EPOP: variants seen among roughly 807,000 people sequenced by gnomAD.
EPOP encodes elongin BC and Polycomb repressive complex 2-associated protein.
Under a neutral mutation model 18.2 loss-of-function variants are expected in EPOP, and 14 were observed. That is an observed-to-expected ratio of 0.77 (90% CI 0.51 to 1.20). EPOP has a LOEUF of 1.20. Ranked by LOEUF, EPOP falls within the 50% of genes most tolerant of loss-of-function variation. The probability of loss-of-function intolerance (pLI) is 0.00; values close to 1 mark genes in which losing one functional copy is unlikely to be tolerated. For missense variants in EPOP, 527 were observed against 577.2 expected (o/e 0.91, Z 0.89); for synonymous variants, 252 against 274.9 (o/e 0.92, Z 0.83).
rs768640657 is a variant in EPOP, at chr17:38,674,455, G to A, written c.41C>T (p.Ala14Val). ...GGAGCAGGGCGACCCTCGCGGGGAC[G>A]CCGGCACTGCCAGGCGGGGCGCAGG... is the stretch of plus-strand genomic sequence containing the variant. Reference protein sequence around the residue: ...LCPAPRLAVPASPRGSPCSPT... With the variant: ...LCPAPRLAVPVSPRGSPCSPT... Residue 14 changes from alanine to valine, a missense_variant, in exon 1 of 1, where the codon GCG becomes GTG. By Grantham distance (64) the Ala-to-Val change is moderately conservative (BLOSUM62 0). Coordinates refer to ENST00000621654, the MANE Select transcript of EPOP (RefSeq NM_001130677.2). This position sits in a 1 kb window ranked among gnomAD's most constrained non-coding sequence, Gnocchi z 4.5. 2 of 1,538,338 alleles carry A rather than the reference G, an allele frequency of 1.3e-6. No individual in the cohort carries two copies. The highest frequency in any genetic ancestry group is 1.4e-5 in the African/African-American group (1 of 72,606).
chr17:38,674,122 C>A lies in EPOP; in HGVS notation c.374G>T (p.Gly125Val). 6.9e-7 allele frequency: 1 copy of A among 1,450,800 alleles called. No homozygotes were observed. The highest frequency in any genetic ancestry group is 9.0e-7 in the Non-Finnish European group (1 of 1,111,128). The allele number at this position is 1,450,800 out of a possible 1,614,324, so 89.9% of individuals were successfully genotyped here. Residue 125 changes from glycine to valine, a missense_variant, in exon 1 of 1, where the codon GGT becomes GTT. Gly to Val is a moderately radical substitution (Grantham distance 109). Transcript: ENST00000621654. This position sits in a 1 kb window ranked among gnomAD's most constrained non-coding sequence, Gnocchi z 4.5. ...RRGEEEEGGG[G>V]FPHFGVRSCA... ...GGAGCGAACGCCGAAGTGCGGGAAA[C>A]CGCCTCCGCCCTCTTCCTCCTCTCC...
At position 38,673,485 on chromosome 17, in the gene EPOP, G is replaced by T; in HGVS notation, c.1011C>A (p.Ser337=). 1 of 1,536,474 alleles carries T rather than the reference G, an allele frequency of 6.5e-7. No homozygotes were observed. ...TAGAGTCTCCCTGGAGGCGAAGCGA[G>T]GATGCCGGCTTTAGGTCTCCGTCTT... is the stretch of plus-strand genomic sequence containing the variant. ...VGEDGDLKPA[S]SLRLQGDSKP... The change falls in exon 1 of 1, where the codon TCC becomes TCA. Residue 337 remains serine (S), a synonymous_variant. Coordinates refer to ENST00000621654, the MANE Select transcript of EPOP (RefSeq NM_001130677.2).
rs1284529364 is a variant in EPOP at position 38,673,494 on chromosome 17, C to G, written c.1002G>C (p.Lys334Asn). The change falls in exon 1 of 1, where the codon AAG becomes AAC. Residue 334 changes from lysine (K) to asparagine (N), a missense_variant. Transcript: ENST00000621654. ...ALVVGEDGDL[K>N]PASSLRLQGD... ...CCTGGAGGCGAAGCGAGGATGCCGG[C>G]TTTAGGTCTCCGTCTTCCCCCACCA... is the stretch of plus-strand genomic sequence containing the variant. 1.3e-6 allele frequency: 2 copies of G among 1,535,046 alleles called. No individual in the cohort carries two copies. Among genetic ancestry groups the G allele is most frequent in the South Asian group, 2.4e-5 (2 of 82,428 alleles).
chr17:38,673,545 G>A lies in EPOP; in HGVS notation c.951C>T (p.Asn317=). Residue 317 remains asparagine (N), a synonymous_variant, in exon 1 of 1, where the codon AAC becomes AAT. Transcript: ENST00000621654. ...LPTTSTFSLL[N]CFPCPPALVV... is the part of the protein sequence containing the mutation. ...CCAGGGCCGGGGGGCAGGGGAAGCA[G>A]TTGAGGAGGCTGAAGGTGCTCGTGG... 1 of 1,508,474 alleles carries A rather than the reference G, an allele frequency of 6.6e-7. No individual in the cohort carries two copies. Among genetic ancestry groups the A allele is most frequent in the Non-Finnish European group, 8.9e-7 (1 of 1,127,814 alleles). 93.4% of individuals were successfully genotyped at this position (1,508,474 alleles called of 1,614,324 possible).
In EPOP at chr17:38,673,992, A is replaced by G; in HGVS notation, c.504T>C (p.Arg168=). ...PRPAPGLEPQ[R]GPAASPPQEP... ...CCTGAGGCGGGCTGGCGGCTGGGCC[A>G]CGCTGAGGCTCGAGACCCGGGGCCG... The change falls in exon 1 of 1, where the codon CGT becomes CGC. Residue 168 remains arginine, a synonymous_variant. Coordinates refer to ENST00000621654, the MANE Select transcript of EPOP (RefSeq NM_001130677.2). 1 of 1,393,698 alleles carries G rather than the reference A, an allele frequency of 7.2e-7. No individual in the cohort carries two copies. Among genetic ancestry groups the G allele is most frequent in the South Asian group, 1.6e-5 (1 of 61,678 alleles). The allele number at this position is 1,393,698 out of a possible 1,614,324, so 86.3% of individuals were successfully genotyped here.
Position 38,674,793 on chromosome 17 carries a change from C to G in EPOP, c.-298G>C, listed in dbSNP as rs1423523402. 3.4e-6 allele frequency: 1 copy of G among 296,164 alleles called. No individual in the cohort carries two copies. Among genetic ancestry groups the G allele is most frequent in the African/African-American group, 2.2e-5 (1 of 46,002 alleles). 18.3% of individuals were successfully genotyped at this position (296,164 alleles called of 1,614,324 possible). A position where few individuals can be genotyped will look rare whatever the true frequency, so the allele number is the denominator to read the frequency against. ...CGGCGGGAGACCCTCTCGAGTCGCC[C>G]GAAGCGCAGAGGCAGGGGAAACAAA... On this transcript the variant is annotated 5_prime_UTR_variant, in exon 1 of 1. Transcript: ENST00000621654. The surrounding 1 kb of genome is among the most constrained non-coding windows in gnomAD (Gnocchi z 4.5).
In EPOP at chr17:38,673,302, A is replaced by G; in HGVS notation, c.*54T>C. The G allele has an allele frequency of 6.8e-7, 1 of 1,463,460 alleles. No homozygotes were observed. The highest frequency in any genetic ancestry group is 9.0e-7 in the Non-Finnish European group (1 of 1,106,268). The allele number at this position is 1,463,460 out of a possible 1,614,324, so 90.7% of individuals were successfully genotyped here. A position where few individuals can be genotyped will look rare whatever the true frequency, so the allele number is the denominator to read the frequency against. On this transcript the variant is annotated 3_prime_UTR_variant, in exon 1 of 1. Transcript: ENST00000621654. ...TGTGAGAAACGGGGCTCCCTCCTCAAGCCCGCGGTTTGGCCATGGTCCCAA... is the reference window on the plus strand; with the variant it reads ...TGTGAGAAACGGGGCTCCCTCCTCAGGCCCGCGGTTTGGCCATGGTCCCAA...
chr17:38,673,765 T>G lies in EPOP; in HGVS notation c.731A>C (p.His244Pro). Residue 244 changes from histidine to proline, a missense_variant, in exon 1 of 1, where the codon CAT (histidine) becomes CCT (proline). By Grantham distance (77) the His-to-Pro change is moderately conservative. Coordinates refer to ENST00000621654, the MANE Select transcript of EPOP (RefSeq NM_001130677.2). ...CGACCGGCGGATCAGACGATCGAAA[T>G]GTTCCTGGCGGAGATCTCCGGGTGC... ...PAAPGDLRQE[H>P]FDRLIRRSKL... The G allele has an allele frequency of 6.6e-7, 1 of 1,525,848 alleles. No individual in the cohort carries two copies. Among genetic ancestry groups the G allele is most frequent in the Non-Finnish European group, 8.8e-7 (1 of 1,137,140 alleles). The allele number at this position is 1,525,848 out of a possible 1,614,324, so 94.5% of individuals were successfully genotyped here.
In EPOP at chr17:38,674,442, C is replaced by A; in HGVS notation, c.54G>T (p.Gly18=). Reference sequence around the variant, plus strand: ...TCCGGGGCGTGGGGGAGCAGGGCGACCCTCGCGGGGACGCCGGCACTGCCA... The same window carrying A: ...TCCGGGGCGTGGGGGAGCAGGGCGAACCTCGCGGGGACGCCGGCACTGCCA... ...PRLAVPASPR[G]SPCSPTPRKP... Residue 18 remains glycine, a synonymous_variant, in exon 1 of 1, where the codon GGG becomes GGT. Transcript: ENST00000621654. The surrounding 1 kb of genome is among the most constrained non-coding windows in gnomAD (Gnocchi z 4.5). 1 of 1,539,912 alleles carries A rather than the reference C, an allele frequency of 6.5e-7. No individual in the cohort carries two copies. Among genetic ancestry groups the A allele is most frequent in the Non-Finnish European group, 8.7e-7 (1 of 1,145,420 alleles).
Position 38,673,869 on chromosome 17 carries a change from G to C in EPOP, c.627C>G (p.Ala209=). The C allele has an allele frequency of 1.4e-6, 2 of 1,446,450 alleles. No individual in the cohort carries two copies. Among genetic ancestry groups the C allele is most frequent in the African/African-American group, 3.0e-5 (2 of 67,060 alleles). The allele number at this position is 1,446,450 out of a possible 1,614,324, so 89.6% of individuals were successfully genotyped here. Residue 209 remains alanine, a synonymous_variant, in exon 1 of 1, where the codon GCC becomes GCG. Coordinates refer to ENST00000621654, the MANE Select transcript of EPOP (RefSeq NM_001130677.2). Reference sequence around the variant, plus strand: ...CCGGCGGGGGGTTTCCATCGACTTCGGCAGGCTGGCCGGGCAGGAACGGCC... The same window carrying C: ...CCGGCGGGGGGTTTCCATCGACTTCCGCAGGCTGGCCGGGCAGGAACGGCC... ...APRPFLPGQP[A]EVDGNPPPAA...
At position 38,674,595 on chromosome 17, in the gene EPOP, G is replaced by A. The variant is rs570756341; in HGVS notation, c.-100C>T. 4.8e-6 allele frequency: 6 copies of A among 1,255,668 alleles called. No homozygotes were observed. The highest frequency in any genetic ancestry group is 2.9e-5 in the East Asian group (1 of 33,952). The allele number at this position is 1,255,668 out of a possible 1,614,324, so 77.8% of individuals were successfully genotyped here. On this transcript the variant is annotated 5_prime_UTR_variant, in exon 1 of 1. The change creates a new upstream start codon in the 5' untranslated region. Coordinates refer to ENST00000621654, the MANE Select transcript of EPOP (RefSeq NM_001130677.2). The surrounding 1 kb of genome is among the most constrained non-coding windows in gnomAD (Gnocchi z 4.5). ...ACGGGTGAGGGGAACATCGCCCCCCGTCGACGGGGAGGTCTCTGCTCACGG... is the reference window on the plus strand; with the variant it reads ...ACGGGTGAGGGGAACATCGCCCCCCATCGACGGGGAGGTCTCTGCTCACGG...
chr17:38,674,693 C>T lies in EPOP; in HGVS notation c.-198G>A, dbSNP rs1911069564. On this transcript the variant is annotated 5_prime_UTR_variant, in exon 1 of 1. Transcript: ENST00000621654. This position sits in a 1 kb window ranked among gnomAD's most constrained non-coding sequence, Gnocchi z 4.5. Reference sequence around the variant, plus strand: ...CGCTCTCCTCACGCGGCCCTCCCGGCGGCCGGACTCCTGGGTCCCTGTGAG... The same window carrying T: ...CGCTCTCCTCACGCGGCCCTCCCGGTGGCCGGACTCCTGGGTCCCTGTGAG... The T allele has an allele frequency of 1.5e-5, 7 of 473,454 alleles. No individual in the cohort carries two copies. The highest frequency in any genetic ancestry group is 4.3e-5 in the Admixed American group (1 of 23,386). The allele number at this position is 473,454 out of a possible 1,614,324, so 29.3% of individuals were successfully genotyped here.
chr17:38,674,309 G>A lies in EPOP; in HGVS notation c.187C>T (p.Leu63=). The A allele has an allele frequency of 6.6e-7, 1 of 1,525,840 alleles. No individual in the cohort carries two copies. The highest frequency in any genetic ancestry group is 8.8e-7 in the Non-Finnish European group (1 of 1,141,608). The allele number at this position is 1,525,840 out of a possible 1,614,324, so 94.5% of individuals were successfully genotyped here. The change falls in exon 1 of 1, where the codon CTG becomes TTG. Residue 63 remains leucine, a synonymous_variant. Transcript: ENST00000621654. The surrounding 1 kb of genome is among the most constrained non-coding windows in gnomAD (Gnocchi z 4.5). ...ASSLGPGPGE[L]AARSPVLRGP... ...CGCAGCACTGGGGACCGCGCCGCCA[G>A]CTCCCCAGGCCCCGGGCCCAGAGAG...
rs1477763360 is a variant in EPOP at position 38,673,358 on chromosome 17, A to C, written c.1138T>G (p.Ter380GlyextTer19). 1 of 1,514,364 alleles carries C rather than the reference A, an allele frequency of 6.6e-7. No individual in the cohort carries two copies. The highest frequency in any genetic ancestry group is 2.7e-5 in the East Asian group (1 of 36,972). 93.8% of individuals were successfully genotyped at this position (1,514,364 alleles called of 1,614,324 possible). A position where few individuals can be genotyped will look rare whatever the true frequency, so the allele number is the denominator to read the frequency against. ...CCCCTTTGGCAGAAGTCCCACGGTC[A>C]GCTTTCATCCATGTTGATCCCCCAG... ...KFWGINMDES[*>G] The change falls in exon 1 of 1, where the codon TGA (stop) becomes GGA (glycine). Residue 380 changes from the stop codon to glycine, a stop_lost. Transcript: ENST00000621654.
At position 38,674,387 on chromosome 17, in the gene EPOP, G is replaced by A; in HGVS notation, c.109C>T (p.Pro37Ser). 6.5e-7 allele frequency: 1 copy of A among 1,544,012 alleles called. No homozygotes were observed. The highest frequency in any genetic ancestry group is 8.7e-7 in the Non-Finnish European group (1 of 1,146,260). The change falls in exon 1 of 1, where the codon CCG (proline) becomes TCG (serine). Residue 37 changes from proline to serine, a missense_variant. By Grantham distance (74) the Pro-to-Ser change is moderately conservative. Transcript: ENST00000621654. The surrounding 1 kb of genome is among the most constrained non-coding windows in gnomAD (Gnocchi z 4.5). The part of the protein sequence containing the change: ...KPCRGTQEFS[P>S]LCLRALAFCA... ...AAGGCGAGGGCACGCAGGCACAGCG[G>A]AGAGAATTCCTGGGTCCCCCGACAC...
chr17:38,673,975 G>A lies in EPOP; in HGVS notation c.521C>T (p.Pro174Leu), dbSNP rs1911034061. 1 of 1,399,160 alleles carries A rather than the reference G, an allele frequency of 7.1e-7. No homozygotes were observed. The highest frequency in any genetic ancestry group is 9.2e-7 in the Non-Finnish European group (1 of 1,087,220). The allele number at this position is 1,399,160 out of a possible 1,614,324, so 86.7% of individuals were successfully genotyped here. A position where few individuals can be genotyped will look rare whatever the true frequency, so the allele number is the denominator to read the frequency against. Residue 174 changes from proline to leucine, a missense_variant, in exon 1 of 1, where the codon CCG becomes CTG. Transcript: ENST00000621654. The part of the protein sequence containing the change: ...LEPQRGPAAS[P>L]PQEPSSRPPS... The stretch of plus-strand genomic sequence containing the variant: ...AGGCCGGGAACTGGGTTCCTGAGGC[G>A]GGCTGGCGGCTGGGCCACGCTGAGG...
In EPOP at chr17:38,674,198, G is replaced by A; in HGVS notation, c.298C>T (p.Pro100Ser). Residue 100 changes from proline to serine, a missense_variant, in exon 1 of 1, where the codon CCT becomes TCT. Coordinates refer to ENST00000621654, the MANE Select transcript of EPOP (RefSeq NM_001130677.2). The surrounding 1 kb of genome is among the most constrained non-coding windows in gnomAD (Gnocchi z 4.5). ...GCATCCTCGCCGGCGGCGGTGTTAG[G>A]AACGCCGGGCCGCCCGGTCGGTGCC... ...LWAPTGRPGVPNTAAGEDADV... is the reference protein window; with the variant it reads ...LWAPTGRPGVSNTAAGEDADV... The A allele has an allele frequency of 2.1e-6, 3 of 1,418,896 alleles. No individual in the cohort carries two copies. Among genetic ancestry groups the A allele is most frequent in the Non-Finnish European group, 2.7e-6 (3 of 1,097,656 alleles). 87.9% of individuals were successfully genotyped at this position (1,418,896 alleles called of 1,614,324 possible).
chr17:38,674,368 AG>A lies in EPOP; in HGVS notation c.127del (p.Leu43SerfsTer45). On this transcript the variant is annotated frameshift_variant, in exon 1 of 1. Coordinates refer to ENST00000621654, the MANE Select transcript of EPOP (RefSeq NM_001130677.2). LOFTEE classifies it high-confidence loss of function. This position sits in a 1 kb window ranked among gnomAD's most constrained non-coding sequence, Gnocchi z 4.5. ...QEFSPLCLRA[L>X]AFCALAKPRA... The stretch of plus-strand genomic sequence containing the variant: ...GGGCTTGGCAAGGGCGCAGAAGGCG[AG>A]GGCACGCAGGCACAGCGGAGAGAAT... The A allele has an allele frequency of 6.5e-7, 1 of 1,542,848 alleles. No individual in the cohort carries two copies.
chr17:38,674,547 T>G lies in EPOP; in HGVS notation c.-52A>C, dbSNP rs1423606488. On this transcript the variant is annotated 5_prime_UTR_variant, in exon 1 of 1. Transcript: ENST00000621654. The surrounding 1 kb of genome is among the most constrained non-coding windows in gnomAD (Gnocchi z 4.5). Reference sequence around the variant, plus strand: ...GCGGGTCCAGGTCCCAGCGGCGGGATGCCCTGGCTGCCCGAAGAGCCCACG... The same window carrying G: ...GCGGGTCCAGGTCCCAGCGGCGGGAGGCCCTGGCTGCCCGAAGAGCCCACG... 3 of 1,433,116 alleles carry G rather than the reference T, an allele frequency of 2.1e-6. No individual in the cohort carries two copies. Among genetic ancestry groups the G allele is most frequent in the Non-Finnish European group, 2.7e-6 (3 of 1,094,300 alleles). 88.8% of individuals were successfully genotyped at this position (1,433,116 alleles called of 1,614,324 possible).
Sources: allele counts gnomAD v4.1 joint callset, GRCh38; gene constraint gnomAD v4.1.1; non-coding constraint Gnocchi (gnomAD v3.1); transcripts MANE v1.5; gene names NCBI Gene and HGNC (gene_info 2026-07-23, HGNC 2026-07-21).